Variants in ATXN1 observed in about 807,000 individuals in gnomAD.
ATXN1 encodes the protein ataxin-1.
In ATXN1, 8 loss-of-function variants were observed where a neutral mutation model predicts 56.4. The observed-to-expected ratio is 0.14, with a 90% confidence interval of 0.08 to 0.26. The LOEUF is 0.26. ATXN1 is among the 10% of genes least tolerant of loss of function. The probability of loss-of-function intolerance (pLI) is 1.00; values close to 1 mark genes in which losing one functional copy is unlikely to be tolerated. For missense variants in ATXN1, 987 were observed against 1,106.5 expected (o/e 0.89, Z 1.53); for synonymous variants, 514 against 494.6 (o/e 1.04, Z -0.52).
At chr6:16,650,779 C>T (rs904346917) in intron 3 of ATXN1, among the ~76,000 whole-genome samples, 1 of 152,180 alleles carries the variant, frequency 6.6e-6, no homozygotes, top group African/African-American at 2.4e-5. Flanking sequence ...GAGCTGAAAC[C>T]AATCTGGCTG....
At chr6:16,377,644 A>T (rs1363684480) in intron 6 of ATXN1, among the ~76,000 whole-genome samples, 9 of 152,096 alleles carry the variant, frequency 5.9e-5, no homozygotes, top group Non-Finnish European at 2.9e-5. Context: ...AAGAGCAGAG[A>T]GGAACAAGAC....
At chr6:16,552,023 T>A (rs746358373) in intron 4 of ATXN1, among the ~76,000 whole-genome samples, 4 of 152,214 alleles carry the variant, frequency 2.6e-5, no homozygotes, top group African/African-American at 4.8e-5. Context: ...GCGTATAGGA[T>A]GGTGGACGTG....
At chr6:16,505,308 C>T (rs1760963140) in intron 5 of ATXN1, among the ~76,000 whole-genome samples, 1 of 152,120 alleles carries the variant, frequency 6.6e-6, no homozygotes, top group Admixed American at 6.5e-5. Flanking sequence ...AGCACCAAAC[C>T]ATCAGACTTT....
At chr6:16,638,164 G>A (rs1174738964) in intron 3 of ATXN1, among the ~76,000 whole-genome samples, 2 of 151,996 alleles carry the variant, frequency 1.3e-5, no homozygotes, top group African/African-American at 4.8e-5. Context: ...GATCTCAAAG[G>A]CCAGCCATGG....
At chr6:16,570,060 C>T (rs1762304556) in intron 4 of ATXN1, among the ~76,000 whole-genome samples, 1 of 152,214 alleles carries the variant, frequency 6.6e-6, no homozygotes, top group African/African-American at 2.4e-5. Flanking sequence ...CTGTGTTCCA[C>T]CCTGAAGAGT....
chr6:16,571,579 A>G (rs968015065), intron 4 of ATXN1, among the ~76,000 whole-genome samples: 3 of 151,618 alleles, frequency 2.0e-5, no homozygotes, highest in Non-Finnish European at 4.4e-5. Flanking sequence ...GTAACCTTGA[A>G]CTCCTGGGCT....
intron 2 of ATXN1, among the ~76,000 whole-genome samples, chr6:16,691,975 T>C (rs1055278395): frequency 6.6e-6 from 1 of 152,190 alleles, no homozygotes; most frequent in African/African-American, 2.4e-5. Flanking sequence ...GAACAAGCCT[T>C]AGAATAGGCC....
chr6:16,546,773 C>T (rs950084681), intron 4 of ATXN1, among the ~76,000 whole-genome samples: 9 of 152,166 alleles, frequency 5.9e-5, no homozygotes, highest in African/African-American at 2.2e-4. Context: ...GAGATGACTT[C>T]CGTGAGGTGA....
At chr6:16,516,783 G>A (rs1174731962) in intron 5 of ATXN1, among the ~76,000 whole-genome samples, 1 of 152,168 alleles carries the variant, frequency 6.6e-6, no homozygotes, top group Non-Finnish European at 1.5e-5. Flanking sequence ...ACTGCCCTCA[G>A]TATCTTTTAA....
chr6:16,541,311 T>C (rs1761709101), intron 4 of ATXN1, among the ~76,000 whole-genome samples: 1 of 152,228 alleles, frequency 6.6e-6, no homozygotes. Context: ...CTCACCCATT[T>C]ACGACTCTGA....
intron 6 of ATXN1, among the ~76,000 whole-genome samples, chr6:16,362,539 C>G (rs1761832573): frequency 6.6e-6 from 1 of 152,116 alleles, no homozygotes; most frequent in South Asian, 2.1e-4. Flanking sequence ...TCATCACCCC[C>G]GCTCCGGAGT....
chr6:16,550,475 G>A (rs1336604674), intron 4 of ATXN1, among the ~76,000 whole-genome samples: 1 of 152,196 alleles, frequency 6.6e-6, no homozygotes, highest in Non-Finnish European at 1.5e-5. Flanking sequence ...TTCTACAGTA[G>A]GCATAATTAT....
intron 2 of ATXN1, among the ~76,000 whole-genome samples, chr6:16,679,849 A>G (rs12196949): frequency 0.086 from 13,111 of 152,256 alleles, 724 homozygotes; most frequent in Middle Eastern, 0.12. Context: ...AGCTTCTTTA[A>G]CTTTAATGAA....
intron 6 of ATXN1, among the ~76,000 whole-genome samples, chr6:16,353,297 A>G (rs777453672): frequency 6.6e-6 from 1 of 152,188 alleles, no homozygotes; most frequent in Non-Finnish European, 1.5e-5. Flanking sequence ...TGTGCCAAGA[A>G]AGCAGAAAGG....
chr6:16,597,866 G>T (rs1187222126), intron 3 of ATXN1, among the ~76,000 whole-genome samples: 4 of 152,142 alleles, frequency 2.6e-5, no homozygotes, highest in Non-Finnish European at 5.9e-5. Context: ...TCTCTGGCCA[G>T]GGACAGCAAA....
intron 2 of ATXN1, among the ~76,000 whole-genome samples, chr6:16,734,702 C>A (rs1760072478): frequency 6.6e-6 from 1 of 152,172 alleles, no homozygotes; most frequent in African/African-American, 2.4e-5. Flanking sequence ...CCATGTTGGT[C>A]AGGCTGGTCT....
At chr6:16,694,299 T>C (rs544882270) in intron 2 of ATXN1, among the ~76,000 whole-genome samples, 7 of 149,316 alleles carry the variant, frequency 4.7e-5, no homozygotes, top group Admixed American at 3.4e-4. Context: ...GTCGCCAGGC[T>C]GGAGTGCAGT....
At chr6:16,701,010 C>A (rs1238528997) in intron 2 of ATXN1, among the ~76,000 whole-genome samples, 1 of 151,702 alleles carries the variant, frequency 6.6e-6, no homozygotes, top group East Asian at 1.9e-4. Flanking sequence ...GCAGCGACCT[C>A]CTGGGTATGG....
intron 4 of ATXN1, among the ~76,000 whole-genome samples, chr6:16,580,055 T>TA (rs902778457): frequency 1.5e-4 from 23 of 151,368 alleles, no homozygotes; most frequent in South Asian, 4.2e-4. Flanking sequence ...TTCTTGCTAA[T>TA]AAAAAAAAAG....
Sources: gnomAD v4.1 joint callset for allele counts (sites outside exome capture counted in the v4.1 genomes callset) on GRCh38, gnomAD v4.1.1 for gene constraint, MANE v1.5 for transcripts, NCBI Gene and HGNC (gene_info 2026-07-23, HGNC 2026-07-21) for gene names.